The following PIK3C2G variants were observed in gnomAD, a reference collection of about 807,000 sequenced individuals.
PIK3C2G encodes phosphatidylinositol 3-kinase C2 domain-containing subunit gamma.
Under a neutral mutation model 181.1 loss-of-function variants are expected in PIK3C2G, and 168 were observed. That is an observed-to-expected ratio of 0.93 (90% CI 0.82 to 1.05). PIK3C2G has a LOEUF of 1.05. Among genes scored for constraint, PIK3C2G ranks in the 50% least tolerant of loss-of-function variants. The pLI, the probability that PIK3C2G is intolerant of heterozygous loss-of-function variation, is 0.00. For synonymous variants in PIK3C2G, 573 were observed against 592.2 expected, an observed-to-expected ratio of 0.97 and a Z score of 0.47; for missense variants, 1,869 against 1,732.8, an observed-to-expected ratio of 1.08 and a Z score of -1.40.
At chr12:18,693,197 C>T in the PIK3C2G span, 3 of 1,565,696 alleles carry the variant, frequency 1.9e-6, no homozygotes, top group Non-Finnish European at 2.6e-6. Flanking sequence ...CATTTGCAGA[C>T]AAGGATCTTC....
At chr12:18,656,011 CAA>C in the PIK3C2G span, among the ~76,000 whole-genome samples, 1 of 152,094 alleles carries the variant, frequency 6.6e-6, no homozygotes, top group Non-Finnish European at 1.5e-5. Flanking sequence ...TAGCTAATAA[CAA>C]TATATCAATA....
intron 14 of PIK3C2G, among the ~76,000 whole-genome samples, chr12:18,385,709 C>T (rs1414969488): frequency 1.3e-5 from 2 of 152,118 alleles, no homozygotes; most frequent in Non-Finnish European, 2.9e-5. Flanking sequence ...GCTGGGATTA[C>T]AGGTGTGCGC....
At chr12:18,493,186 G>C (rs1244152318) in intron 20 of PIK3C2G, 1 of 152,246 alleles carries the variant, frequency 6.6e-6, no homozygotes, top group African/African-American at 2.4e-5. Flanking sequence ...TAAGCATGAT[G>C]AATGTGGCAA....
At chr12:18,642,490 T>C (rs1314215837) in intron 32 of PIK3C2G, among the ~76,000 whole-genome samples, 1 of 152,194 alleles carries the variant, frequency 6.6e-6, no homozygotes, top group African/African-American at 2.4e-5. Context: ...AGACAGCTTG[T>C]CATTCCCTGA....
chr12:18,491,000 T>C (rs2136063140), intron 19 of PIK3C2G, among the ~76,000 whole-genome samples: 1 of 152,330 alleles, frequency 6.6e-6, no homozygotes, highest in East Asian at 1.9e-4. Context: ...TTGTTACTAC[T>C]GTACGTAATT....
intron 29 of PIK3C2G, among the ~76,000 whole-genome samples, chr12:18,584,329 A>G (rs1946665558): frequency 1.3e-5 from 2 of 152,072 alleles, no homozygotes; most frequent in African/African-American, 4.8e-5. Flanking sequence ...CTAAATAGAC[A>G]GTATTTTTAA....
upstream of PIK3C2G, among the ~76,000 whole-genome samples, chr12:18,261,013 AAATT>A (rs1157838481): frequency 1.3e-5 from 2 of 152,122 alleles, no homozygotes; most frequent in East Asian, 3.9e-4. Context: ...GCTAAACTAA[AAATT>A]AATATCTTTC....
the PIK3C2G span, among the ~76,000 whole-genome samples, chr12:18,674,937 A>G: frequency 1.3e-5 from 2 of 152,122 alleles, no homozygotes; most frequent in Admixed American, 6.6e-5. Flanking sequence ...CTATGTTAGC[A>G]TTCAACTGAG....
At chr12:18,513,273 CT>C (rs1398040580) in intron 24 of PIK3C2G, among the ~76,000 whole-genome samples, 4 of 151,282 alleles carry the variant, frequency 2.6e-5, no homozygotes, top group Admixed American at 6.6e-5. Context: ...TTGTAGTGTG[CT>C]TTTCTGGGTT....
At chr12:18,491,397 A>T in intron 19 of PIK3C2G, 54 bp from the exon 20 acceptor site, 1 of 933,140 alleles carries the variant, frequency 1.1e-6, no homozygotes, top group Non-Finnish European at 1.7e-6. Context: ...AACCTGAAGG[A>T]AAAGTCAAGT....
chr12:18,303,003 C>T (rs1416664794), intron 5 of PIK3C2G, among the ~76,000 whole-genome samples: 1 of 151,982 alleles, frequency 6.6e-6, no homozygotes, highest in Non-Finnish European at 1.5e-5. Flanking sequence ...CCAGAGCAGG[C>T]CTGTCCTCAG....
chr12:18,399,158 G>C (rs1263100837), intron 15 of PIK3C2G, among the ~76,000 whole-genome samples: 4 of 142,638 alleles, frequency 2.8e-5, no homozygotes, highest in East Asian at 2.0e-4. Context: ...TCCCGCCACT[G>C]CACTCCAGCC....
At chr12:18,605,348 C>A (rs1318102536) in intron 30 of PIK3C2G, among the ~76,000 whole-genome samples, 1 of 152,038 alleles carries the variant, frequency 6.6e-6, no homozygotes, top group Non-Finnish European at 1.5e-5. Context: ...TAATTAGATA[C>A]CCTGAACAGA....
the PIK3C2G span, among the ~76,000 whole-genome samples, chr12:18,696,809 G>C: frequency 6.6e-6 from 1 of 152,132 alleles, no homozygotes; most frequent in South Asian, 2.1e-4. Context: ...CTTCACTCCA[G>C]CATCTTCCCC....
the PIK3C2G span, chr12:18,693,703 G>A: frequency 1.6e-4 from 253 of 1,564,126 alleles, 3 homozygotes; most frequent in African/African-American, 2.6e-3. Flanking sequence ...AGCGAACAAC[G>A]TTGGAACTGC....
chr12:18,428,834 T>C (rs1364446296), intron 18 of PIK3C2G, among the ~76,000 whole-genome samples: 1 of 152,180 alleles, frequency 6.6e-6, no homozygotes, highest in African/African-American at 2.4e-5. Context: ...AAGGTGGCTA[T>C]AAATGGGAAC....
intron 1 of PIK3C2G, among the ~76,000 whole-genome samples, chr12:18,250,913 A>C (rs981299432): frequency 1.3e-5 from 2 of 151,984 alleles, no homozygotes; most frequent in African/African-American, 4.8e-5. Context: ...ATTCATGTGC[A>C]AAATCAGATA....
chr12:18,374,488 T>C (rs554335283), intron 13 of PIK3C2G, among the ~76,000 whole-genome samples: 17 of 152,242 alleles, frequency 1.1e-4, no homozygotes, highest in African/African-American at 4.1e-4. Context: ...AAGAACTCTA[T>C]GATGAAGGAA....
intron 31 of PIK3C2G, among the ~76,000 whole-genome samples, chr12:18,623,260 A>G (rs1338758767): frequency 1.3e-5 from 2 of 151,746 alleles, no homozygotes; most frequent in African/African-American, 2.4e-5. Flanking sequence ...TCTTTTGCAT[A>G]TGAATACCCA....
Sources: allele counts gnomAD v4.1 joint callset (sites outside exome capture counted in the v4.1 genomes callset), GRCh38; gene constraint gnomAD v4.1.1; transcripts MANE v1.5; gene names NCBI Gene and HGNC (gene_info 2026-07-23, HGNC 2026-07-21).